The following CHSY3 variants were observed in gnomAD, a reference collection of about 807,000 sequenced individuals.
The protein encoded by CHSY3 is chondroitin sulfate synthase 3, also known as N-acetylgalactosaminyl-proteoglycan 3-beta-glucuronosyltransferase 3.
Under a neutral mutation model 67.2 loss-of-function variants are expected in CHSY3, and 35 were observed. That is an observed-to-expected ratio of 0.52 (90% confidence interval 0.40 to 0.69). The LOEUF (loss-of-function observed/expected upper bound fraction) is 0.69. Ranked by LOEUF, CHSY3 falls within the 30% of genes least tolerant of loss-of-function variation. The probability of loss-of-function intolerance (pLI) is 0.00; values close to 1 mark genes in which losing one functional copy is unlikely to be tolerated. For synonymous variants in CHSY3, 474 were observed against 434.7 expected (o/e 1.09, Z -1.12); for missense variants, 1,069 against 1,138.5 (o/e 0.94, Z 0.88).
chr5:130,167,141 A>G (rs1334717590), intron 2 of CHSY3, among the ~76,000 whole-genome samples: 1 of 152,034 alleles, frequency 6.6e-6, no homozygotes, highest in Admixed American at 6.6e-5. Flanking sequence ...TTTAAGGTAT[A>G]CAACTGATGT....
intron 2 of CHSY3, among the ~76,000 whole-genome samples, chr5:129,946,987 A>G (rs1761874518): frequency 1.3e-5 from 2 of 152,178 alleles, no homozygotes; most frequent in African/African-American, 4.8e-5. Flanking sequence ...TAATTTTATG[A>G]GGAACCTCCT....
At chr5:129,906,199 C>T (rs1165596842) in intron 1 of CHSY3, among the ~76,000 whole-genome samples, 4 of 152,134 alleles carry the variant, frequency 2.6e-5, no homozygotes, top group Admixed American at 2.0e-4. Flanking sequence ...GTTCCCTTCC[C>T]TTTGGCTCAA....
intron 2 of CHSY3, among the ~76,000 whole-genome samples, chr5:130,075,583 A>C (rs949482673): frequency 6.6e-6 from 1 of 152,320 alleles, no homozygotes; most frequent in South Asian, 2.1e-4. Flanking sequence ...ATATAAAGAC[A>C]AAATATTTGT....
chr5:129,979,942 T>A (rs538005143), intron 2 of CHSY3, among the ~76,000 whole-genome samples: 2 of 152,352 alleles, frequency 1.3e-5, no homozygotes, highest in Admixed American at 6.5e-5. Flanking sequence ...TTTCTTTTAA[T>A]GATAGATAAT....
At chr5:130,179,449 C>T (rs73248942) in intron 2 of CHSY3, among the ~76,000 whole-genome samples, 7,336 of 151,950 alleles carry the variant, frequency 0.048, 586 homozygotes, top group African/African-American at 0.16. Flanking sequence ...TAATTTCTGC[C>T]GTTCTATCCC....
intron 2 of CHSY3, among the ~76,000 whole-genome samples, chr5:130,112,500 G>A (rs1175312921): frequency 6.6e-6 from 1 of 151,992 alleles, no homozygotes; most frequent in African/African-American, 2.4e-5. Flanking sequence ...AGCACATGTG[G>A]AGAACCACTA....
chr5:130,119,084 T>C (rs532332788), intron 2 of CHSY3, among the ~76,000 whole-genome samples: 11 of 152,234 alleles, frequency 7.2e-5, no homozygotes, highest in Non-Finnish European at 1.3e-4. Flanking sequence ...GTTGAGGAAA[T>C]GTGGTCATTC....
At chr5:130,184,142 T>G in intron 2 of CHSY3, 87 bp from the exon 3 acceptor site, 1 of 1,241,132 alleles carries the variant, frequency 8.1e-7, no homozygotes, top group Non-Finnish European at 1.0e-6. Flanking sequence ...ATTAACATTT[T>G]CATTTAGATG....
At chr5:129,928,402 G>A (rs775081073) in intron 2 of CHSY3, among the ~76,000 whole-genome samples, 1 of 151,748 alleles carries the variant, frequency 6.6e-6, no homozygotes, top group Non-Finnish European at 1.5e-5. Context: ...GATAATGCTG[G>A]CATCATTTTG....
intron 2 of CHSY3, among the ~76,000 whole-genome samples, chr5:130,120,069 C>G (rs943211563): frequency 6.6e-6 from 1 of 152,134 alleles, no homozygotes; most frequent in Non-Finnish European, 1.5e-5. Flanking sequence ...ATTAAACTAT[C>G]AAACCCATCC....
chr5:129,921,912 T>G (rs1458212047), intron 2 of CHSY3, among the ~76,000 whole-genome samples: 1 of 152,190 alleles, frequency 6.6e-6, no homozygotes, highest in Non-Finnish European at 1.5e-5. Context: ...ATAGTCACCC[T>G]ATTGTGCTAC....
At chr5:130,053,656 C>T (rs1356004620) in intron 2 of CHSY3, among the ~76,000 whole-genome samples, 3 of 152,086 alleles carry the variant, frequency 2.0e-5, no homozygotes, top group Admixed American at 2.0e-4. Context: ...CTTAGTGAGT[C>T]TCTATTCTTT....
intron 2 of CHSY3, among the ~76,000 whole-genome samples, chr5:130,163,791 A>G (rs1327075816): frequency 2.6e-5 from 4 of 151,610 alleles, no homozygotes; most frequent in Non-Finnish European, 1.5e-5. Context: ...AGAGGAATAA[A>G]TTAGAAAGTA....
chr5:129,904,656 CCGCGGCAGT>C lies in CHSY3; in HGVS notation c.-171_-163del. Reference sequence around the variant, plus strand: ...CGGGAGCCCGGCAGGCAGCTGCAGCCCGCGGCAGTCGAGGCGTCCGCGGCGCTTCGACCT... The same window carrying C: ...CGGGAGCCCGGCAGGCAGCTGCAGCCCGAGGCGTCCGCGGCGCTTCGACCT... On this transcript the variant is annotated 5_prime_UTR_variant, in exon 1 of 3. Coordinates refer to ENST00000305031, the MANE Select transcript of CHSY3 (RefSeq NM_175856.5). 9.5e-7 allele frequency: 1 copy of C among 1,055,550 alleles called. No homozygotes were observed. The highest frequency in any genetic ancestry group is 1.2e-6 in the Non-Finnish European group (1 of 835,880). 65.4% of individuals were successfully genotyped at this position (1,055,550 alleles called of 1,614,324 possible). A position where few individuals can be genotyped will look rare whatever the true frequency, so the allele number is the denominator to read the frequency against.
intron 2 of CHSY3, among the ~76,000 whole-genome samples, chr5:129,922,142 G>A (rs144398346): frequency 1.8e-4 from 27 of 152,260 alleles, no homozygotes; most frequent in Admixed American, 8.5e-4. Context: ...TGTTCTATCC[G>A]TGTTGTTGCA....
At chr5:130,089,148 C>T (rs1318643458) in intron 2 of CHSY3, among the ~76,000 whole-genome samples, 3 of 145,196 alleles carry the variant, frequency 2.1e-5, no homozygotes, top group South Asian at 2.2e-4. Flanking sequence ...TGCATGTTCT[C>T]ACTCATAGGT....
chr5:130,095,557 G>T (rs1767016885), intron 2 of CHSY3, among the ~76,000 whole-genome samples: 1 of 152,180 alleles, frequency 6.6e-6, no homozygotes, highest in South Asian at 2.1e-4. Flanking sequence ...AATGAATAAG[G>T]TGGTTAAACA....
At chr5:130,130,475 C>T (rs572883289) in intron 2 of CHSY3, among the ~76,000 whole-genome samples, 1 of 152,226 alleles carries the variant, frequency 6.6e-6, no homozygotes, top group East Asian at 1.9e-4. Context: ...TTCACTAACC[C>T]ATTCCTTTTC....
intron 2 of CHSY3, among the ~76,000 whole-genome samples, chr5:130,102,208 G>GTATATTAAAGAACAAAA (rs1406072052): frequency 1.8e-4 from 27 of 151,932 alleles, no homozygotes; most frequent in African/African-American, 5.6e-4. Context: ...CAAGATTCTG[G>GTATATTAAAGAACAAAA]CAGTAAGACA....
Sources: allele counts gnomAD v4.1 joint callset (sites outside exome capture counted in the v4.1 genomes callset), GRCh38; gene constraint gnomAD v4.1.1; transcripts MANE v1.5; gene names NCBI Gene and HGNC (gene_info 2026-07-23, HGNC 2026-07-21).